FSTL4: variants seen among roughly 807,000 people sequenced by gnomAD.
FSTL4 encodes follistatin like 4.
FSTL4 carries 28 observed loss-of-function variants against 78.2 expected under a neutral mutation model. The observed-to-expected ratio is 0.36, with a 90% confidence interval of 0.27 to 0.49. The LOEUF (loss-of-function observed/expected upper bound fraction) is 0.49, where lower values mean the gene tolerates loss of function less well. Ranked by LOEUF, FSTL4 falls within the 20% of genes least tolerant of loss-of-function variation. The probability of loss-of-function intolerance (pLI) is 0.98; values close to 1 mark genes in which losing one functional copy is unlikely to be tolerated. For synonymous variants in FSTL4, 422 were observed against 440.5 expected (o/e 0.96, Z 0.53); for missense variants, 922 against 1,084.9 (o/e 0.85, Z 2.11).
At chr5:133,832,699 C>A in the FSTL4 span, among the ~76,000 whole-genome samples, 8 of 152,216 alleles carry the variant, frequency 5.3e-5, no homozygotes, top group African/African-American at 1.9e-4. Flanking sequence ...TTTTGACCAA[C>A]AAAATGTGAG....
At chr5:133,641,824 C>T in the FSTL4 span, among the ~76,000 whole-genome samples, 2 of 151,898 alleles carry the variant, frequency 1.3e-5, no homozygotes, top group South Asian at 2.1e-4. Context: ...CCTCCTCCTC[C>T]TTCTTCTTTC....
At chr5:133,309,149 G>A (rs1753720059) in intron 6 of FSTL4, among the ~76,000 whole-genome samples, 2 of 152,088 alleles carry the variant, frequency 1.3e-5, no homozygotes, top group South Asian at 2.1e-4. Flanking sequence ...GAACAGACAG[G>A]GCCAGCACAC....
rs1456520687 is a variant in FSTL4 at position 133,567,175 on chromosome 5, AT to A, written c.160+10del. On this transcript the variant is annotated intron_variant, in intron 3 of 15. Transcript: ENST00000265342. ...CTGAAAATAAAATGGGTATGAGTGC[AT>A]TTTTCCTACCTTCTCTTCTTGTGAC... is the stretch of plus-strand genomic sequence containing the variant. The A allele has an allele frequency of 3.1e-6, 5 of 1,592,540 alleles. No individual in the cohort carries two copies. The highest frequency in any genetic ancestry group is 4.5e-5 in the East Asian group (2 of 44,770).
At chr5:133,354,533 C>T (rs1023597514) in intron 4 of FSTL4, among the ~76,000 whole-genome samples, 1 of 152,264 alleles carries the variant, frequency 6.6e-6, no homozygotes, top group East Asian at 1.9e-4. Flanking sequence ...AAAGTGAATC[C>T]ACACCCAGCA....
chr5:133,643,872 G>A, the FSTL4 span, among the ~76,000 whole-genome samples: 2 of 152,150 alleles, frequency 1.3e-5, no homozygotes, highest in African/African-American at 4.8e-5. Flanking sequence ...GAAGGTGAGA[G>A]CCTCGCAGCA....
rs111656462 is a variant in FSTL4, at chr5:133,383,728, T to C, written c.409+17010A>G. Among the ~76,000 whole-genome samples the C allele has an allele frequency of 2.3e-3, 348 of 152,300 alleles. 1 individual carries two copies. The highest frequency in any genetic ancestry group is 7.6e-3 in the African/African-American group (318 of 41,572). ...TTCCAGGAGTAACTAGGCTCCCCCA[T>C]GCTCCAGTCACCAAGGCGGTTGATT... is the stretch of plus-strand genomic sequence containing the variant. On this transcript the variant is annotated intron_variant, in intron 4 of 15. Coordinates refer to ENST00000265342, the MANE Select transcript of FSTL4 (RefSeq NM_015082.2).
chr5:133,787,636 C>A, the FSTL4 span, among the ~76,000 whole-genome samples: 3 of 150,722 alleles, frequency 2.0e-5, no homozygotes, highest in Non-Finnish European at 4.4e-5. Flanking sequence ...AAAATCCTCA[C>A]TGGAGTCCAA....
chr5:133,504,043 T>A (rs1220046640), intron 3 of FSTL4, among the ~76,000 whole-genome samples: 1 of 152,086 alleles, frequency 6.6e-6, no homozygotes, highest in Non-Finnish European at 1.5e-5. Flanking sequence ...TCGTGAGAAC[T>A]TACTATCACA....
At chr5:133,653,556 T>G in the FSTL4 span, among the ~76,000 whole-genome samples, 7 of 152,092 alleles carry the variant, frequency 4.6e-5, no homozygotes, top group African/African-American at 1.4e-4. Context: ...AGGAAATGAG[T>G]TCTTTGCTGT....
chr5:133,654,908 G>A, the FSTL4 span, among the ~76,000 whole-genome samples: 191 of 152,246 alleles, frequency 1.3e-3, no homozygotes, highest in Non-Finnish European at 2.1e-3. Flanking sequence ...TTGGACATAA[G>A]TTGGTGATCA....
rs138504245 is a variant in FSTL4, at chr5:133,369,372, G to A, written c.409+31366C>T. Among the ~76,000 whole-genome samples, 66 of 152,272 alleles carry A rather than the reference G, an allele frequency of 4.3e-4. No individual in the cohort carries two copies. In the East Asian group the frequency reaches 6.6e-3, roughly 15 times the overall value. ...CCCTCCCTGGGCTCATTGCTCCTGT[G>A]TCTCCTCAGCAGGACCTGGGTGGAG... On this transcript the variant is annotated intron_variant, in intron 4 of 15. Transcript: ENST00000265342.
the FSTL4 span, among the ~76,000 whole-genome samples, chr5:133,814,839 C>G: frequency 6.6e-6 from 1 of 152,182 alleles, no homozygotes; most frequent in South Asian, 2.1e-4. Context: ...TGAGAAATAA[C>G]TAGAGTGTAG....
intron 3 of FSTL4, among the ~76,000 whole-genome samples, chr5:133,503,085 A>T (rs1192160062): frequency 6.6e-6 from 1 of 152,200 alleles, no homozygotes; most frequent in East Asian, 1.9e-4. Flanking sequence ...TATCAATGTA[A>T]AGTCATTTGC....
intron 4 of FSTL4, among the ~76,000 whole-genome samples, chr5:133,368,525 T>C (rs1394565155): frequency 6.6e-6 from 1 of 152,204 alleles, no homozygotes; most frequent in African/African-American, 2.4e-5. Flanking sequence ...TGAATCCTTT[T>C]GGTGAATTAT....
At chr5:133,269,887 T>G (rs1450926647) in intron 6 of FSTL4, among the ~76,000 whole-genome samples, 1 of 152,252 alleles carries the variant, frequency 6.6e-6, no homozygotes, top group Non-Finnish European at 1.5e-5. Context: ...GTCTCAAATT[T>G]GACGGCATCT....
chr5:133,570,972 C>T (rs932168763), intron 2 of FSTL4, among the ~76,000 whole-genome samples: 2 of 152,064 alleles, frequency 1.3e-5, no homozygotes, highest in Non-Finnish European at 2.9e-5. Context: ...GGGTCAGAAA[C>T]CCTGGAAAAG....
chr5:133,748,158 C>T, the FSTL4 span, among the ~76,000 whole-genome samples: 2 of 151,580 alleles, frequency 1.3e-5, no homozygotes, highest in Admixed American at 6.6e-5. Context: ...CATGCCACTG[C>T]ACTCCAGCCT....
the FSTL4 span, among the ~76,000 whole-genome samples, chr5:133,619,204 A>G: frequency 2.0e-4 from 31 of 152,052 alleles, no homozygotes; most frequent in Non-Finnish European, 3.5e-4. Context: ...TACTTTCATT[A>G]AGTATAAGAC....
intron 6 of FSTL4, among the ~76,000 whole-genome samples, chr5:133,250,670 T>C (rs1752199037): frequency 1.3e-5 from 2 of 152,226 alleles, no homozygotes; most frequent in Non-Finnish European, 2.9e-5. Flanking sequence ...AGCACATCTG[T>C]GCTCACACCC....
Sources: gnomAD v4.1 joint callset for allele counts (sites outside exome capture counted in the v4.1 genomes callset) on GRCh38, gnomAD v4.1.1 for gene constraint, MANE v1.5 for transcripts, NCBI Gene and HGNC (gene_info 2026-07-23, HGNC 2026-07-21) for gene names.